TRIP12: variants seen among roughly 807,000 people sequenced by gnomAD.
TRIP12 encodes the protein E3 ubiquitin-protein ligase TRIP12.
TRIP12 carries 25 observed loss-of-function variants against 244.2 expected under a neutral mutation model. The observed-to-expected ratio is 0.10, with a 90% CI of 0.07 to 0.14. The LOEUF is 0.14. TRIP12 is among the 10% of genes least tolerant of loss of function. TRIP12 has a pLI of 1.00. For missense variants in TRIP12, 1,677 were observed against 2,486.4 expected, an observed-to-expected ratio of 0.67 and a Z score of 6.92; for synonymous variants, 905 against 873.1, an observed-to-expected ratio of 1.04 and a Z score of -0.64.
chr2:229,902,653 G>A (rs191109625), intron 1 of TRIP12, among the ~76,000 whole-genome samples: 1 of 152,048 alleles, frequency 6.6e-6, no homozygotes, highest in Non-Finnish European at 1.5e-5. Flanking sequence ...TGAGATCTTT[G>A]GTTTTTTTGA....
intron 27 of TRIP12, 148 bp downstream of exon 27, chr2:229,792,825 G>C: frequency 1.2e-6 from 1 of 803,622 alleles, no homozygotes; most frequent in Non-Finnish European, 1.9e-6. Flanking sequence ...TATATACTAA[G>C]TAGAAAATAA....
At chr2:229,804,671 G>A (rs146265113) in intron 18 of TRIP12, among the ~76,000 whole-genome samples, 1 of 152,284 alleles carries the variant, frequency 6.6e-6, no homozygotes, top group East Asian at 1.9e-4. Flanking sequence ...GTAAGGAAAA[G>A]ATAACTGATA....
intron 8 of TRIP12, among the ~76,000 whole-genome samples, chr2:229,822,970 C>G (rs2050474111): frequency 6.6e-6 from 1 of 152,062 alleles, no homozygotes; most frequent in South Asian, 2.1e-4. Flanking sequence ...GAAAAAAGAA[C>G]TAGTGAATTT....
intron 26 of TRIP12, 161 bp downstream of exon 26, chr2:229,795,018 A>T: frequency 1.4e-6 from 1 of 703,330 alleles, no homozygotes; most frequent in Non-Finnish European, 2.2e-6. Flanking sequence ...AAAGATAAGA[A>T]AGCATTTGAT....
At chr2:229,782,122 C>T (rs2154249805) in intron 34 of TRIP12, among the ~76,000 whole-genome samples, 1 of 152,086 alleles carries the variant, frequency 6.6e-6, no homozygotes, top group Non-Finnish European at 1.5e-5. Context: ...AAAAACATAC[C>T]AAATGGTTAG....
intron 16 of TRIP12, 106 bp downstream of exon 16, chr2:229,808,146 T>G: frequency 1.1e-6 from 1 of 875,506 alleles, no homozygotes; most frequent in Admixed American, 2.3e-5. Flanking sequence ...TTTTGTATTT[T>G]TAGTAGAGAC....
At chr2:229,789,911 A>G in intron 30 of TRIP12, 149 bp from the exon 31 acceptor site, 3 of 833,718 alleles carry the variant, frequency 3.6e-6, no homozygotes, top group Admixed American at 2.9e-5. Flanking sequence ...AAGTTTGACA[A>G]TCTTCCCATT....
At chr2:229,922,277 C>G (rs969841484), upstream of TRIP12, 3 of 548,448 alleles carry the variant, frequency 5.5e-6, no homozygotes, top group South Asian at 6.5e-5. Context: ...GGGGTCACCC[C>G]CTCCCCTCCG....
At chr2:229,903,574 G>T (rs540585664) in intron 1 of TRIP12, among the ~76,000 whole-genome samples, 1 of 151,994 alleles carries the variant, frequency 6.6e-6, no homozygotes, top group Admixed American at 6.6e-5. Context: ...GCCACAACAA[G>T]GAGTCTTCTT....
chr2:229,866,431 A>T (rs1160137855), intron 2 of TRIP12, among the ~76,000 whole-genome samples: 3 of 152,162 alleles, frequency 2.0e-5, no homozygotes, highest in Non-Finnish European at 4.4e-5. Context: ...TATTTTTGTT[A>T]TCAACTATTT....
chr2:229,906,015 A>T (rs2072645507), intron 1 of TRIP12, among the ~76,000 whole-genome samples: 1 of 152,204 alleles, frequency 6.6e-6, no homozygotes, highest in Admixed American at 6.5e-5. Context: ...ATAAAGAAAC[A>T]TGTTCATGGC....
Position 229,889,331 on chromosome 2 carries a change from T to C in TRIP12, c.-49-9203A>G, listed in dbSNP as rs149734785. ...AACACTGTAAGATGATCAATTATCC[T>C]GAATAGCTATTGCTAAGCTATTTCT... On this transcript the variant is annotated intron_variant, in intron 1 of 41. Coordinates refer to ENST00000675903, the MANE Select transcript of TRIP12 (RefSeq NM_001348323.3). Among the ~76,000 whole-genome samples, 874 of 152,374 alleles carry C rather than the reference T, an allele frequency of 5.7e-3. 7 individuals are homozygous for C. The highest frequency in any genetic ancestry group is 0.019 in the African/African-American group (799 of 41,598).
chr2:229,871,053 G>A (rs1439770289), intron 2 of TRIP12, among the ~76,000 whole-genome samples: 1 of 151,996 alleles, frequency 6.6e-6, no homozygotes, highest in African/African-American at 2.4e-5. Context: ...AGCTACTCGG[G>A]AGGCTGAGGC....
chr2:229,891,877 G>A (rs1309916781), intron 1 of TRIP12, among the ~76,000 whole-genome samples: 1 of 152,186 alleles, frequency 6.6e-6, no homozygotes, highest in Non-Finnish European at 1.5e-5. Flanking sequence ...GATGGTCACT[G>A]CAGTATGTCA....
At position 229,799,291 on chromosome 2, in the gene TRIP12, T is replaced by C. The variant is rs200100616; in HGVS notation, c.3299A>G (p.Asp1100Gly). ...TTCATCAAAGGGGTTACCTTGATTG[T>C]CTACTTTGTCATCATCTCTTGGAGG... The part of the protein sequence containing the change: ...YSPPRDDDKV[D>G]NQAKSPTTTQ... Residue 1100 changes from aspartate to glycine, a missense_variant, in exon 22 of 42, where the codon GAC becomes GGC. Around this residue, in one of 11 missense-constraint regions of TRIP12, gnomAD observed 572 missense variants for 867.8 expected, o/e 0.66. Coordinates refer to ENST00000675903, the MANE Select transcript of TRIP12 (RefSeq NM_001348323.3). The C allele has an allele frequency of 6.2e-7, 1 of 1,614,060 alleles. No homozygotes were observed. Among genetic ancestry groups the C allele is most frequent in the African/African-American group, 1.3e-5 (1 of 74,926 alleles).
At chr2:229,777,271 T>C (rs778483141) in intron 37 of TRIP12, 44 bp downstream of exon 37, 5 of 1,571,204 alleles carry the variant, frequency 3.2e-6, no homozygotes, top group Non-Finnish European at 4.3e-6. Context: ...CTCATTTTTC[T>C]AAAATAAAGA....
chr2:229,814,611 C>T (rs1033989935), intron 11 of TRIP12: 23 of 274,862 alleles, frequency 8.4e-5, no homozygotes, highest in African/African-American at 4.6e-4. Flanking sequence ...AGTTGTTTTA[C>T]ACAACAAAAT....
intron 1 of TRIP12, among the ~76,000 whole-genome samples, chr2:229,893,723 G>A (rs950236335): frequency 7.9e-5 from 12 of 152,044 alleles, no homozygotes; most frequent in South Asian, 2.1e-4. Flanking sequence ...AGTTTTGCCC[G>A]TTAAGTTTAA....
chr2:229,826,999 G>A (rs931366436), intron 8 of TRIP12, among the ~76,000 whole-genome samples: 1 of 151,986 alleles, frequency 6.6e-6, no homozygotes. Flanking sequence ...GAAATTAACT[G>A]GCCAGGCATG....
Sources: gnomAD v4.1 joint callset for allele counts (sites outside exome capture counted in the v4.1 genomes callset) on GRCh38, gnomAD v4.1.1 for gene constraint, gnomAD v4.1.1 regional missense constraint, MANE v1.5 for transcripts, NCBI Gene and HGNC (gene_info 2026-07-23, HGNC 2026-07-21) for gene names.